Variants in ACTR3 observed in about 807,000 individuals in gnomAD.
The protein encoded by ACTR3 is actin-related protein 3.
In ACTR3, 12 loss-of-function variants were observed where a neutral mutation model predicts 56.8. The ratio of observed to expected loss-of-function variants is 0.21; its 90% CI spans 0.14 to 0.34. The LOEUF (loss-of-function observed/expected upper bound fraction) is 0.34. Among genes scored for constraint, ACTR3 ranks in the 10% least tolerant of loss-of-function variants. The probability of loss-of-function intolerance (pLI) is 1.00; values close to 1 mark genes in which losing one functional copy is unlikely to be tolerated. For synonymous variants in ACTR3, 162 were observed against 167.4 expected (o/e 0.97, Z 0.25); for missense variants, 282 against 512.5 (o/e 0.55, Z 4.34).
intron 3 of ACTR3, among the ~76,000 whole-genome samples, chr2:113,923,024 C>T (rs1679538783): frequency 1.3e-5 from 2 of 152,144 alleles, no homozygotes; most frequent in African/African-American, 2.4e-5. Flanking sequence ...GTCAGTCAGT[C>T]GAGAGGCCAG....
At chr2:113,949,382 AAAAAAAAAAAAG>A (rs1270230747) in intron 8 of ACTR3, among the ~76,000 whole-genome samples, 13 of 137,390 alleles carry the variant, frequency 9.5e-5, no homozygotes, top group Non-Finnish European at 3.0e-5. Context: ...GGTCTCAAAA[AAAAAAAAAAAAG>A]AAAAAAAAAA....
intron 10 of ACTR3, chr2:113,955,408 C>T: frequency 5.0e-6 from 2 of 399,014 alleles, no homozygotes; most frequent in South Asian, 5.5e-5. Context: ...TGTTATTTCC[C>T]TTCCATTTAT....
intron 6 of ACTR3, among the ~76,000 whole-genome samples, chr2:113,936,821 G>T (rs1277535383): frequency 6.6e-6 from 1 of 152,072 alleles, no homozygotes; most frequent in Non-Finnish European, 1.5e-5. Context: ...GGCAGGGTTG[G>T]TTTCTTCTGA....
intron 1 of ACTR3, among the ~76,000 whole-genome samples, chr2:113,907,572 T>C (rs917966002): frequency 2.0e-5 from 3 of 152,182 alleles, no homozygotes; most frequent in Non-Finnish European, 4.4e-5. Context: ...CCTTTTTGAA[T>C]ATCCAGGAAA....
intron 1 of ACTR3, among the ~76,000 whole-genome samples, chr2:113,912,000 A>G (rs1488208322): frequency 6.6e-6 from 1 of 152,068 alleles, no homozygotes; most frequent in Non-Finnish European, 1.5e-5. Flanking sequence ...TCAGCCTCCC[A>G]AAGTGCTGGG....
At chr2:113,946,361 G>A (rs1178930241) in intron 8 of ACTR3, among the ~76,000 whole-genome samples, 2 of 151,538 alleles carry the variant, frequency 1.3e-5, no homozygotes, top group Admixed American at 6.6e-5. Flanking sequence ...TTTTTAGGAG[G>A]GATGGTGTGA....
chr2:113,947,795 A>T (rs901101001), intron 8 of ACTR3, among the ~76,000 whole-genome samples: 4 of 152,110 alleles, frequency 2.6e-5, no homozygotes, highest in African/African-American at 9.7e-5. Flanking sequence ...AATAACCTTT[A>T]TTGTTTCATA....
intron 6 of ACTR3, among the ~76,000 whole-genome samples, chr2:113,939,069 G>A (rs1679878721): frequency 6.6e-6 from 1 of 151,398 alleles, no homozygotes; most frequent in African/African-American, 2.4e-5. Flanking sequence ...TGTCGCCCAG[G>A]CTGGAGTGCA....
chr2:113,918,862 G>A, intron 3 of ACTR3, among the ~76,000 whole-genome samples: 1 of 152,198 alleles, frequency 6.6e-6, no homozygotes, highest in Non-Finnish European at 1.5e-5. Context: ...GGGAAAACCA[G>A]ATAATTGACT....
At chr2:113,893,624 CAA>C (rs1574345461) in intron 1 of ACTR3, among the ~76,000 whole-genome samples, 2 of 152,254 alleles carry the variant, frequency 1.3e-5, no homozygotes, top group East Asian at 3.9e-4. Flanking sequence ...TGTTTTTACT[CAA>C]GTTTCTCCAT....
intron 5 of ACTR3, 49 bp from the exon 6 acceptor site, chr2:113,934,230 T>C (rs753899711): frequency 7.6e-7 from 1 of 1,313,958 alleles, no homozygotes. Context: ...CTTTGTTTTT[T>C]TGTTTTTTTT....
At position 113,899,157 on chromosome 2, in the gene ACTR3, T is replaced by C. The variant is rs182850170; in HGVS notation, c.44+8834T>C. Among the ~76,000 whole-genome samples the C allele has an allele frequency of 2.8e-3, 429 of 152,318 alleles. 3 individuals are homozygous for C. The highest frequency in any genetic ancestry group is 1.0e-2 in the African/African-American group (415 of 41,586). On this transcript the variant is annotated intron_variant, in intron 1 of 11. Transcript: ENST00000263238. ...ACATTAAAGTGAAATATGGATTTGC[T>C]TACTGCTTATTTGAGTATTGCAAGG...
intron 3 of ACTR3, among the ~76,000 whole-genome samples, chr2:113,919,290 A>AAC (rs1359940646): frequency 2.7e-4 from 41 of 152,278 alleles, no homozygotes; most frequent in Admixed American, 6.5e-4. Flanking sequence ...ATCAACATTA[A>AAC]AATGTGGTCT....
At chr2:113,914,671 C>T (rs1002158044) in intron 2 of ACTR3, among the ~76,000 whole-genome samples, 6 of 150,714 alleles carry the variant, frequency 4.0e-5, no homozygotes, top group African/African-American at 1.5e-4. Flanking sequence ...CAAAATTGCA[C>T]CTAAAAGGGG....
In ACTR3 at chr2:113,960,795, G is replaced by A. The variant is rs530363326; in HGVS notation, c.*3340G>A. 3 of 151,974 alleles carry A rather than the reference G, an allele frequency of 2.0e-5. No individual in the cohort carries two copies. Among genetic ancestry groups the A allele is most frequent in the East Asian group, 1.9e-4 (1 of 5,178 alleles). 9.4% of individuals were successfully genotyped at this position (151,974 alleles called of 1,614,324 possible). On this transcript the variant is annotated 3_prime_UTR_variant, in exon 12 of 12. Transcript: ENST00000263238. Reference sequence around the variant, plus strand: ...CTGTTACCACCCAGATTTCCAACTCGGGTTAATTGGTACTAATTCTATTAG... The same window carrying A: ...CTGTTACCACCCAGATTTCCAACTCAGGTTAATTGGTACTAATTCTATTAG...
intron 3 of ACTR3, among the ~76,000 whole-genome samples, chr2:113,920,743 T>G (rs1195014515): frequency 6.6e-6 from 1 of 152,208 alleles, no homozygotes; most frequent in East Asian, 1.9e-4. Flanking sequence ...AACATGCAAT[T>G]TTTTATCTTT....
chr2:113,899,060 A>G (rs1185723192), intron 1 of ACTR3, among the ~76,000 whole-genome samples: 1 of 152,166 alleles, frequency 6.6e-6, no homozygotes, highest in African/African-American at 2.4e-5. Context: ...CAAAGCTACT[A>G]ATTTTTAGTA....
intron 1 of ACTR3, 141 bp downstream of exon 1, chr2:113,890,464 T>G (rs1574342833): frequency 2.3e-5 from 29 of 1,246,940 alleles, no homozygotes; most frequent in South Asian, 1.3e-4. Flanking sequence ...CAGCGAGGGG[T>G]GGGGCCCGCA....
intron 8 of ACTR3, among the ~76,000 whole-genome samples, chr2:113,950,328 A>C (rs948264800): frequency 6.6e-6 from 1 of 152,254 alleles, no homozygotes; most frequent in Non-Finnish European, 1.5e-5. Flanking sequence ...GCCATTTTAA[A>C]TAATGAAATC....
Sources: gnomAD v4.1 joint callset for allele counts (sites outside exome capture counted in the v4.1 genomes callset) on GRCh38, gnomAD v4.1.1 for gene constraint, MANE v1.5 for transcripts, NCBI Gene and HGNC (gene_info 2026-07-23, HGNC 2026-07-21) for gene names.